UROC1: variants seen among roughly 807,000 people sequenced by gnomAD.
The protein encoded by UROC1 is urocanate hydratase 1.
UROC1 carries 79 observed loss-of-function variants against 89.5 expected under a neutral mutation model. The ratio of observed to expected loss-of-function variants is 0.88; its 90% CI spans 0.74 to 1.06. The LOEUF (loss-of-function observed/expected upper bound fraction) is 1.06, where lower values mean the gene tolerates loss of function less well. Among genes scored for constraint, UROC1 ranks in the 50% least tolerant of loss-of-function variants. The pLI is 0.00. For missense variants in UROC1, 885 were observed against 907.8 expected (o/e 0.97, Z 0.32); for synonymous variants, 361 against 354.8 (o/e 1.02, Z -0.20).
At chr3:126,512,480 T>A (rs1037299736) in intron 1 of UROC1, among the ~76,000 whole-genome samples, 2 of 152,200 alleles carry the variant, frequency 1.3e-5, no homozygotes, top group Non-Finnish European at 2.9e-5. Context: ...ATCCCAGCAC[T>A]TTGGGAGACC....
In UROC1 at chr3:126,507,786, G is replaced by A; in HGVS notation, c.558C>T (p.Ser186=). The change falls in exon 6 of 20, where the codon TCC becomes TCT. Residue 186 remains serine (S), a synonymous_variant. Coordinates refer to ENST00000290868, the MANE Select transcript of UROC1 (RefSeq NM_144639.3). ...ITNGMVIPNY[S]SRTEYEKLFA... ...AGAGCTTCTCATACTCCGTCCGGGA[G>A]GAGTAGTTGGGAATGACCTGGAGAA... 2 of 1,614,166 alleles carry A rather than the reference G, an allele frequency of 1.2e-6. No homozygotes were observed. The highest frequency in any genetic ancestry group is 1.7e-6 in the Non-Finnish European group (2 of 1,180,032).
chr3:126,507,857 C>T, intron 5 of UROC1, 54 bp from the exon 6 acceptor site: 1 of 1,613,450 alleles, frequency 6.2e-7, no homozygotes, highest in Non-Finnish European at 8.5e-7. Flanking sequence ...AGGGCGAGCA[C>T]AGAGCCCTGG....
intron 9 of UROC1, among the ~76,000 whole-genome samples, chr3:126,503,022 T>C (rs1184753464): frequency 6.6e-6 from 1 of 152,094 alleles, no homozygotes; most frequent in African/African-American, 2.4e-5. Context: ...TGTGTGTTTA[T>C]GTGTGTGCGT....
chr3:126,502,078 G>T (rs1438674714), intron 9 of UROC1: 2 of 918,348 alleles, frequency 2.2e-6, no homozygotes, highest in Admixed American at 3.3e-5. Context: ...GTATGTGTGT[G>T]TGTTCATGTG....
At chr3:126,507,713 G>T in intron 6 of UROC1, 29 bp downstream of exon 6, 2 of 1,610,538 alleles carry the variant, frequency 1.2e-6, no homozygotes, top group African/African-American at 1.3e-5. Flanking sequence ...GGGGAAACAC[G>T]GTGTAAACAG....
chr3:126,500,943 G>A, intron 10 of UROC1, 69 bp from the exon 11 acceptor site: 4 of 1,586,718 alleles, frequency 2.5e-6, no homozygotes, highest in Non-Finnish European at 3.4e-6. Context: ...GGCCAGCCAG[G>A]TGGGGACCCT....
intron 19 of UROC1, 108 bp from the exon 20 acceptor site, chr3:126,482,593 C>T: frequency 1.3e-6 from 2 of 1,538,296 alleles, no homozygotes; most frequent in Non-Finnish European, 1.8e-6. Flanking sequence ...CTGAGGCTGT[C>T]CGTGGGGACA....
At chr3:126,509,136 T>C (rs960019811) in intron 3 of UROC1, among the ~76,000 whole-genome samples, 1 of 151,346 alleles carries the variant, frequency 6.6e-6, no homozygotes, top group Non-Finnish European at 1.5e-5. Context: ...CCCGGGAGGC[T>C]GAGGTGGGAG....
At chr3:126,513,135 G>GGTGTGTGTGTGTGTGT (rs56301013) in intron 1 of UROC1, among the ~76,000 whole-genome samples, 1 of 147,900 alleles carries the variant, frequency 6.8e-6, no homozygotes, top group African/African-American at 2.5e-5. Flanking sequence ...CACAGAGCAG[G>GGTGTGTGTGTGTGTGT]GTGTGTGTGT....
chr3:126,515,598 A>C (rs1576734648), intron 1 of UROC1, among the ~76,000 whole-genome samples: 1 of 41,154 alleles, frequency 2.4e-5, no homozygotes, highest in Non-Finnish European at 4.7e-5. Flanking sequence ...CCCTCCTCCC[A>C]TCTGCCCAGC....
intron 9 of UROC1, among the ~76,000 whole-genome samples, chr3:126,503,357 T>C (rs1935980427): frequency 6.6e-6 from 1 of 152,268 alleles, no homozygotes; most frequent in African/African-American, 2.4e-5. Context: ...AACAGGACTC[T>C]GCTCTGGGCA....
At chr3:126,495,965 C>CA in intron 15 of UROC1, 73 bp downstream of exon 15, 2 of 1,480,874 alleles carry the variant, frequency 1.4e-6, no homozygotes, top group Non-Finnish European at 1.9e-6. Flanking sequence ...GAGCGCCCGT[C>CA]AGCAGCACCT....
rs531571361 is a variant in UROC1, at chr3:126,503,031, G to A, written c.902+964C>T. ...ATGTTGTGTGTGTTTATGTGTGTGC[G>A]TTTATGTGTGTGTGTGTGTACATGC... On this transcript the variant is annotated intron_variant, in intron 9 of 19. Transcript: ENST00000290868. Among the ~76,000 whole-genome samples the A allele has an allele frequency of 7.2e-5, 11 of 152,008 alleles. No individual in the cohort carries two copies. In the East Asian group the frequency reaches 7.7e-4, roughly 11 times the overall value.
intron 9 of UROC1, among the ~76,000 whole-genome samples, chr3:126,502,730 CTGTT>C (rs1194960091): frequency 1.6e-4 from 23 of 144,318 alleles, no homozygotes; most frequent in African/African-American, 5.5e-4. Context: ...TGTTATGTGT[CTGTT>C]TATGTGCATG....
chr3:126,486,587 A>G (rs1935519868), intron 18 of UROC1, among the ~76,000 whole-genome samples: 1 of 152,268 alleles, frequency 6.6e-6, no homozygotes, highest in Non-Finnish European at 1.5e-5. Flanking sequence ...AGGAGGCTAG[A>G]AACAACACAC....
chr3:126,502,022 A>ACTTGGTCACTC, intron 9 of UROC1: 1 of 1,455,580 alleles, frequency 6.9e-7, no homozygotes, highest in Non-Finnish European at 9.1e-7. Context: ...GAAGTGTGGC[A>ACTTGGTCACTC]GACAGGTTGC....
At chr3:126,508,374 G>C in intron 4 of UROC1, 42 bp downstream of exon 4, 1 of 1,602,044 alleles carries the variant, frequency 6.2e-7, no homozygotes, top group Non-Finnish European at 8.6e-7. Flanking sequence ...CAGACTAGAG[G>C]AAAGGCCAGG....
chr3:126,504,322 C>G (rs1172473746), intron 8 of UROC1, among the ~76,000 whole-genome samples: 1 of 152,210 alleles, frequency 6.6e-6, no homozygotes, highest in African/African-American at 2.4e-5. Flanking sequence ...AGGAGATGGT[C>G]TACGTCCAAG....
In UROC1 at chr3:126,498,227, G is replaced by T. The variant is rs79233173; in HGVS notation, c.1317-55C>A. ...GCCCGCTGGCTTGTTGGGGGAGGGG[G>T]TGCAGGTGTGAGCATGCCAGGGAGG... On this transcript the variant is annotated intron_variant, in intron 13 of 19. Coordinates refer to ENST00000290868, the MANE Select transcript of UROC1 (RefSeq NM_144639.3). The T allele has an allele frequency of 2.1e-3, 3,367 of 1,612,778 alleles. 121 individuals carry two copies. The East Asian group carries it at 0.062, about 30-fold the overall frequency.
Sources: allele counts gnomAD v4.1 joint callset (sites outside exome capture counted in the v4.1 genomes callset), GRCh38; gene constraint gnomAD v4.1.1; transcripts MANE v1.5; gene names NCBI Gene and HGNC (gene_info 2026-07-23, HGNC 2026-07-21).